The following GDF10 variants were observed in gnomAD, a reference collection of about 807,000 sequenced individuals.
The protein encoded by GDF10 is growth/differentiation factor 10.
A neutral mutation model predicts 32.1 loss-of-function variants in GDF10; 23 were observed. The observed-to-expected ratio is 0.72, with a 90% CI of 0.52 to 1.02. The LOEUF (loss-of-function observed/expected upper bound fraction) is 1.02, where lower values mean the gene tolerates loss of function less well. GDF10 is among the 50% of genes least tolerant of loss of function. GDF10 has a pLI of 0.00. For synonymous variants in GDF10, 328 were observed against 303.1 expected (o/e 1.08, Z -0.85); for missense variants, 764 against 673.9 (o/e 1.13, Z -1.48).
rs782059235 is a variant in GDF10, at chr10:47,310,742, T to C, written c.1245+21T>C. ...CTAAGGTAGGGTTTCTTCCGCCTTT[T>C]GCCAAATTCTAAGGCTCAGCTCTGC... On this transcript the variant is annotated intron_variant, in intron 2 of 2. Transcript: ENST00000580279. 17 of 1,554,448 alleles carry C rather than the reference T, an allele frequency of 1.1e-5. 1 individual carries two copies. In the Middle Eastern group the frequency reaches 1.9e-3, roughly 169 times the overall value.
In GDF10 at chr10:47,304,072, G is replaced by A. The variant is rs1422211793; in HGVS notation, c.319+3102G>A. On this transcript the variant is annotated intron_variant, in intron 1 of 2. Coordinates refer to ENST00000580279, the MANE Select transcript of GDF10 (RefSeq NM_004962.5). ...TGACCTGGCAGGGGCAGAGCCTCTG[G>A]GTGGGGCCAGGAAAGCCTTCCCAGA... Among the ~76,000 whole-genome samples the A allele has an allele frequency of 2.6e-5, 4 of 152,322 alleles. No homozygotes were observed. The East Asian group carries it at 7.7e-4, about 29-fold the overall frequency.
At chr10:47,304,585 A>T (rs985229844) in intron 1 of GDF10, among the ~76,000 whole-genome samples, 1 of 152,184 alleles carries the variant, frequency 6.6e-6, no homozygotes, top group East Asian at 1.9e-4. Context: ...TGGTAGAATC[A>T]TTCCAGCCAT....
chr10:47,308,079 G>T (rs1312574625), intron 1 of GDF10, among the ~76,000 whole-genome samples: 1 of 152,100 alleles, frequency 6.6e-6, no homozygotes, highest in African/African-American at 2.4e-5. Flanking sequence ...TGGGGATGGG[G>T]GGGTGCAACA....
At chr10:47,305,902 C>G (rs1367846430) in intron 1 of GDF10, among the ~76,000 whole-genome samples, 1 of 152,234 alleles carries the variant, frequency 6.6e-6, no homozygotes, top group Non-Finnish European at 1.5e-5. Flanking sequence ...ATAATGACCT[C>G]TGTTTGCAAA....
In GDF10 at chr10:47,302,854, C is replaced by G. The variant is rs567837669; in HGVS notation, c.319+1884C>G. On this transcript the variant is annotated intron_variant, in intron 1 of 2. Transcript: ENST00000580279. ...GATTCTGGTAGTCTGGAGTGTCTGA[C>G]AAATCCCTCTTCTTTGGAAGCCTGA... is the stretch of plus-strand genomic sequence containing the variant. Among the ~76,000 whole-genome samples the G allele has an allele frequency of 8.5e-5, 13 of 152,292 alleles. No individual in the cohort carries two copies. The South Asian group carries it at 2.7e-3, about 32-fold the overall frequency.
At chr10:47,308,051 C>T (rs192807129) in intron 1 of GDF10, among the ~76,000 whole-genome samples, 5 of 152,126 alleles carry the variant, frequency 3.3e-5, no homozygotes, top group Non-Finnish European at 5.9e-5. Flanking sequence ...AGCTTGGTTC[C>T]TAGGGCATTT....
At chr10:47,309,662 G>A (rs1428141952) in intron 1 of GDF10, 134 bp from the exon 2 acceptor site, 4 of 641,526 alleles carry the variant, frequency 6.2e-6, no homozygotes, top group African/African-American at 3.6e-5. Flanking sequence ...CACGAAAGGA[G>A]GGAAGCAAAG....
In GDF10 at chr10:47,310,130, G is replaced by A. The variant is rs782065593; in HGVS notation, c.654G>A (p.Glu218=). ...PIVKAARRDG[E]LLLSAQLDSE... is the part of the protein sequence containing the mutation. Reference sequence around the variant, plus strand: ...TCAAGGCGGCCCGCCGGGATGGCGAGCTGCTCCTCTCCGCCCAGCTGGATT... The same window carrying A: ...TCAAGGCGGCCCGCCGGGATGGCGAACTGCTCCTCTCCGCCCAGCTGGATT... Residue 218 remains glutamate (E), a synonymous_variant, in exon 2 of 3, where the codon GAG becomes GAA. Coordinates refer to ENST00000580279, the MANE Select transcript of GDF10 (RefSeq NM_004962.5). 11 of 1,611,266 alleles carry A rather than the reference G, an allele frequency of 6.8e-6. No homozygotes were observed. The East Asian group carries it at 1.6e-4, about 23-fold the overall frequency.
intron 1 of GDF10, among the ~76,000 whole-genome samples, chr10:47,301,606 G>A (rs1280826354): frequency 2.0e-5 from 3 of 152,212 alleles, no homozygotes; most frequent in Non-Finnish European, 4.4e-5. Context: ...CCCCTTGGAT[G>A]GAGCTGGGCA....
Position 47,310,145 on chromosome 10 carries a change from C to T in GDF10, c.669C>T (p.Ala223=), listed in dbSNP as rs782283717. 6.2e-7 allele frequency: 1 copy of T among 1,611,912 alleles called. No homozygotes were observed. The part of the protein sequence containing the change: ...ARRDGELLLS[A]QLDSEERDPG... The stretch of plus-strand genomic sequence containing the variant: ...GGGATGGCGAGCTGCTCCTCTCCGC[C>T]CAGCTGGATTCTGAGGAGAGGGACC... Residue 223 remains alanine, a synonymous_variant, in exon 2 of 3, where the codon GCC becomes GCT. Transcript: ENST00000580279.
intron 1 of GDF10, 44 bp from the exon 2 acceptor site, chr10:47,309,752 A>ACGAG: frequency 7.3e-7 from 1 of 1,379,194 alleles, no homozygotes; most frequent in South Asian, 1.3e-5. Context: ...CCTCAGGAGC[A>ACGAG]CGAGCGAGAA....
Position 47,300,882 on chromosome 10 carries a change from C to T in GDF10, c.231C>T (p.Val77=). Residue 77 remains valine, a synonymous_variant, in exon 1 of 3, where the codon GTC becomes GTT. Transcript: ENST00000580279. ...LGPSAQDMVA[V]HMHRLYEKYS... ...CCAGCGCCCAGGACATGGTCGCTGT[C>T]CACATGCACAGGCTCTATGAGAAGT... 3.1e-6 allele frequency: 5 copies of T among 1,588,874 alleles called. No homozygotes were observed. Among genetic ancestry groups the T allele is most frequent in the Non-Finnish European group, 4.3e-6 (5 of 1,175,594 alleles).
At position 47,300,922 on chromosome 10, in the gene GDF10, G is replaced by A. The variant is rs376019600; in HGVS notation, c.271G>A (p.Ala91Thr). 1.0e-4 allele frequency: 160 copies of A among 1,548,948 alleles called. No individual in the cohort carries two copies. The highest frequency in any genetic ancestry group is 1.3e-4 in the Non-Finnish European group (151 of 1,154,858). ...CTATGAGAAGTACAGCCGGCAGGGC[G>A]CGCGGCCGGGAGGGGGCAACACGGT... The part of the protein sequence containing the change: ...RLYEKYSRQG[A>T]RPGGGNTVRS... Residue 91 changes from alanine (A) to threonine (T), a missense_variant, in exon 1 of 3, where the codon GCG (alanine) becomes ACG (threonine). Transcript: ENST00000580279.
At position 47,309,926 on chromosome 10, in the gene GDF10, C is replaced by G; in HGVS notation, c.450C>G (p.Cys150Trp). The G allele has an allele frequency of 6.2e-7, 1 of 1,612,648 alleles. No individual in the cohort carries two copies. Among genetic ancestry groups the G allele is most frequent in the Non-Finnish European group, 8.5e-7 (1 of 1,179,828 alleles). The change falls in exon 2 of 3, where the codon TGC becomes TGG. Residue 150 changes from cysteine (C) to tryptophan (W), a missense_variant. Physicochemically the swap from Cys to Trp is radical, Grantham distance 215. Transcript: ENST00000580279. ...PRWPRALEVL[C>W]KPRAKNASGR... is the part of the protein sequence containing the mutation. ...GGCCTCGAGCGCTCGAGGTGCTATGCAAGCCGCGGGCCAAGAACGCTTCAG... is the reference window on the plus strand; with the variant it reads ...GGCCTCGAGCGCTCGAGGTGCTATGGAAGCCGCGGGCCAAGAACGCTTCAG...
chr10:47,309,965 C>T lies in GDF10; in HGVS notation c.489C>T (p.Pro163=), dbSNP rs2061037759. The part of the protein sequence containing the change: ...RAKNASGRPL[P]LGPPTRQHLL... ...AGAACGCTTCAGGCCGCCCGCTGCCCCTGGGCCCGCCCACACGCCAGCACC... is the reference window on the plus strand; with the variant it reads ...AGAACGCTTCAGGCCGCCCGCTGCCTCTGGGCCCGCCCACACGCCAGCACC... Residue 163 remains proline (P), a synonymous_variant, in exon 2 of 3, where the codon CCC becomes CCT. Coordinates refer to ENST00000580279, the MANE Select transcript of GDF10 (RefSeq NM_004962.5). The T allele has an allele frequency of 1.9e-6, 3 of 1,612,020 alleles. No individual in the cohort carries two copies. Among genetic ancestry groups the T allele is most frequent in the Non-Finnish European group, 2.5e-6 (3 of 1,179,346 alleles).
chr10:47,302,584 T>G lies in GDF10; in HGVS notation c.319+1614T>G, dbSNP rs1280949809. On this transcript the variant is annotated intron_variant, in intron 1 of 2. Transcript: ENST00000580279. The stretch of plus-strand genomic sequence containing the variant: ...TTTCACAGAAAGGGGGTAGTACAAG[T>G]AGCAGTGGAGTTCAGGTTATTAATC... Among the ~76,000 whole-genome samples, 4 of 152,314 alleles carry G rather than the reference T, an allele frequency of 2.6e-5. No individual in the cohort carries two copies. The East Asian group carries it at 7.7e-4, about 29-fold the overall frequency.
rs373493251 is a variant in GDF10 at position 47,310,184 on chromosome 10, G to A, written c.708G>A (p.Arg236=). Residue 236 remains arginine, a synonymous_variant, in exon 2 of 3, where the codon CGG becomes CGA. Transcript: ENST00000580279. ...AGGAGAGGGACCCGGGGGTGCCCCG[G>A]CCCAGCCCCTATGCGCCCTACATCC... The part of the protein sequence containing the change: ...DSEERDPGVP[R]PSPYAPYILV... 1.7e-5 allele frequency: 27 copies of A among 1,611,612 alleles called. No homozygotes were observed. In the African/African-American group the frequency reaches 3.6e-4, roughly 22 times the overall value.
intron 2 of GDF10, among the ~76,000 whole-genome samples, chr10:47,311,623 G>A (rs1259740966): frequency 2.6e-5 from 4 of 152,342 alleles, no homozygotes; most frequent in South Asian, 4.1e-4. Flanking sequence ...CCGTGCATGT[G>A]CAAGAGAGAG....
At position 47,303,351 on chromosome 10, in the gene GDF10, C is replaced by T. The variant is rs192250513; in HGVS notation, c.319+2381C>T. On this transcript the variant is annotated intron_variant, in intron 1 of 2. Coordinates refer to ENST00000580279, the MANE Select transcript of GDF10 (RefSeq NM_004962.5). ...TACGTAACTATACCTCCCCCGCCAC[C>T]GGGCAGTGCAGCTCAGCTGCCAAGT... 1.7e-4 allele frequency among the ~76,000 whole-genome samples: 26 copies of T among 152,328 alleles called. No homozygotes were observed. In the East Asian group the frequency reaches 2.3e-3, roughly 14 times the overall value.
Sources: gnomAD v4.1 joint callset for allele counts (sites outside exome capture counted in the v4.1 genomes callset) on GRCh38, gnomAD v4.1.1 for gene constraint, MANE v1.5 for transcripts, NCBI Gene and HGNC (gene_info 2026-07-23, HGNC 2026-07-21) for gene names.